The following WDFY2 variants were observed in gnomAD, a reference collection of about 807,000 sequenced individuals.
WDFY2 encodes WD repeat and FYVE domain containing 2, also known as WD repeat and FYVE domain-containing protein 2.
Under a neutral mutation model 56.4 loss-of-function variants are expected in WDFY2, and 36 were observed. The observed-to-expected ratio is 0.64, with a 90% CI of 0.49 to 0.84. The LOEUF (loss-of-function observed/expected upper bound fraction) is 0.84, where lower values mean the gene tolerates loss of function less well. Among genes scored for constraint, WDFY2 ranks in the 40% least tolerant of loss-of-function variants. The pLI is 0.00. For missense variants in WDFY2, 444 were observed against 512.2 expected (o/e 0.87, Z 1.29); for synonymous variants, 176 against 183.7 (o/e 0.96, Z 0.34).
intron 5 of WDFY2, among the ~76,000 whole-genome samples, chr13:51,725,536 G>A (rs1952584524): frequency 6.6e-6 from 1 of 151,938 alleles, no homozygotes; most frequent in East Asian, 1.9e-4. Flanking sequence ...AAAATGTTGT[G>A]TTTTAAAGGC....
At chr13:51,597,775 G>A (rs558961146) in intron 1 of WDFY2, among the ~76,000 whole-genome samples, 3 of 152,214 alleles carry the variant, frequency 2.0e-5, no homozygotes, top group Admixed American at 6.5e-5. Flanking sequence ...TTATTTGGTA[G>A]TTTGTTTCCC....
At position 51,763,316 on chromosome 13, in the gene WDFY2, G is replaced by A. The variant is rs1222313619; in HGVS notation, c.*3547G>A. 1.3e-5 allele frequency: 2 copies of A among 152,102 alleles called. No individual in the cohort carries two copies. The highest frequency in any genetic ancestry group is 4.8e-5 in the African/African-American group (2 of 41,414). The allele number at this position is 152,102 out of a possible 1,614,324, so 9.4% of individuals were successfully genotyped here. ...TTTTTTTGGCTCCGGCCCTGTGGTG[G>A]GGGAGGTAATTATTGCCTTCATCCA... On this transcript the variant is annotated 3_prime_UTR_variant, in exon 12 of 12. Transcript: ENST00000298125.
At chr13:51,702,028 C>T (rs903544926) in intron 3 of WDFY2, among the ~76,000 whole-genome samples, 1 of 152,032 alleles carries the variant, frequency 6.6e-6, no homozygotes, top group Non-Finnish European at 1.5e-5. Context: ...TTAGTCTGCT[C>T]TGGCCAGGTG....
intron 7 of WDFY2, 65 bp from the exon 8 acceptor site, chr13:51,751,245 G>T: frequency 1.3e-6 from 2 of 1,537,926 alleles, no homozygotes; most frequent in Non-Finnish European, 8.9e-7. Context: ...CTTTGCCAAG[G>T]TTTCTGCTGC....
At chr13:51,634,852 T>C (rs1955015762) in intron 1 of WDFY2, among the ~76,000 whole-genome samples, 1 of 152,180 alleles carries the variant, frequency 6.6e-6, no homozygotes, top group Non-Finnish European at 1.5e-5. Context: ...GATTTATCCA[T>C]AGGTCAGAGT....
intron 5 of WDFY2, among the ~76,000 whole-genome samples, chr13:51,726,917 T>A (rs1360089912): frequency 6.6e-6 from 1 of 152,210 alleles, no homozygotes; most frequent in African/African-American, 2.4e-5. Context: ...TTTTTTCCAG[T>A]TTATCTTTTG....
intron 1 of WDFY2, among the ~76,000 whole-genome samples, chr13:51,607,302 TG>T (rs1049215359): frequency 6.6e-6 from 1 of 152,200 alleles, no homozygotes; most frequent in African/African-American, 2.4e-5. Context: ...TAGACTTGCT[TG>T]GATGTGTTCA....
intron 7 of WDFY2, among the ~76,000 whole-genome samples, chr13:51,744,261 T>C (rs544626458): frequency 6.6e-6 from 1 of 152,348 alleles, no homozygotes; most frequent in East Asian, 1.9e-4. Context: ...ATCAAAGAAA[T>C]GAACAATGCT....
At chr13:51,746,436 A>C (rs1211835642) in intron 7 of WDFY2, among the ~76,000 whole-genome samples, 1 of 152,224 alleles carries the variant, frequency 6.6e-6, no homozygotes, top group East Asian at 1.9e-4. Flanking sequence ...ATCAGGTACC[A>C]GGCCAGTTTT....
intron 6 of WDFY2, among the ~76,000 whole-genome samples, chr13:51,733,531 CAG>C (rs919456330): frequency 6.6e-6 from 1 of 152,154 alleles, no homozygotes; most frequent in Non-Finnish European, 1.5e-5. Context: ...GAAGTTTAAA[CAG>C]AGTAGTGACA....
At chr13:51,630,618 CA>C (rs1387674421) in intron 1 of WDFY2, among the ~76,000 whole-genome samples, 1 of 151,986 alleles carries the variant, frequency 6.6e-6, no homozygotes, top group Non-Finnish European at 1.5e-5. Flanking sequence ...TTCTTTCACC[CA>C]GTTGATGAGG....
At position 51,606,492 on chromosome 13, in the gene WDFY2, A is replaced by T. The variant is rs532780587; in HGVS notation, c.137+21668A>T. The stretch of plus-strand genomic sequence containing the variant: ...AAATATTGTAAATGGGAGCTATTAT[A>T]ATAATCCAGAACTTGGATTTTAAAA... On this transcript the variant is annotated intron_variant, in intron 1 of 11. Transcript: ENST00000298125. 3.9e-5 allele frequency among the ~76,000 whole-genome samples: 6 copies of T among 152,324 alleles called. No individual in the cohort carries two copies. In the South Asian group the frequency reaches 1.2e-3, roughly 32 times the overall value.
At chr13:51,657,706 G>A (rs932868241) in intron 1 of WDFY2, among the ~76,000 whole-genome samples, 6 of 152,064 alleles carry the variant, frequency 3.9e-5, no homozygotes, top group African/African-American at 1.4e-4. Flanking sequence ...CAGGTTTGCT[G>A]TCTCTTCTGA....
intron 10 of WDFY2, among the ~76,000 whole-genome samples, chr13:51,757,378 G>A (rs1029379907): frequency 2.0e-5 from 3 of 151,952 alleles, no homozygotes; most frequent in Non-Finnish European, 4.4e-5. Context: ...TTACAGTTAA[G>A]CCTAAATCTT....
intron 1 of WDFY2, among the ~76,000 whole-genome samples, chr13:51,614,155 C>G (rs1305160091): frequency 7.2e-6 from 1 of 138,416 alleles, no homozygotes; most frequent in Non-Finnish European, 1.5e-5. Flanking sequence ...CACTGCACCC[C>G]AGCCTGGGCG....
chr13:51,711,932 A>G (rs1033433073), intron 4 of WDFY2, among the ~76,000 whole-genome samples: 57 of 152,334 alleles, frequency 3.7e-4, no homozygotes, highest in African/African-American at 1.3e-3. Context: ...CAGCCATTAC[A>G]TTACTGGTTA....
At chr13:51,684,267 G>A (rs1437620571) in intron 3 of WDFY2, among the ~76,000 whole-genome samples, 2 of 152,060 alleles carry the variant, frequency 1.3e-5, no homozygotes, top group African/African-American at 2.4e-5. Context: ...AAACATTAGG[G>A]CAGCTTCTTC....
intron 7 of WDFY2, among the ~76,000 whole-genome samples, chr13:51,748,704 T>C (rs1326798884): frequency 6.6e-6 from 1 of 152,132 alleles, no homozygotes; most frequent in African/African-American, 2.4e-5. Context: ...GAATGTCTGC[T>C]AGCTAGGCAG....
At position 51,766,117 on chromosome 13, in the gene WDFY2, T is replaced by C. The variant is rs1953740657; in HGVS notation, c.*6348T>C. 6.6e-6 allele frequency: 1 copy of C among 152,258 alleles called. No individual in the cohort carries two copies. Among genetic ancestry groups the C allele is most frequent in the African/African-American group, 2.4e-5 (1 of 41,476 alleles). 9.4% of individuals were successfully genotyped at this position (152,258 alleles called of 1,614,324 possible). A position where few individuals can be genotyped will look rare whatever the true frequency, so the allele number is the denominator to read the frequency against. On this transcript the variant is annotated 3_prime_UTR_variant, in exon 12 of 12. Coordinates refer to ENST00000298125, the MANE Select transcript of WDFY2 (RefSeq NM_052950.4). ...GTCAGTAGTATATGCCACTATGAAG[T>C]ATGGCCAAAACCCTAGCGTCACTTG...
Sources: allele counts gnomAD v4.1 joint callset (sites outside exome capture counted in the v4.1 genomes callset), GRCh38; gene constraint gnomAD v4.1.1; transcripts MANE v1.5; gene names NCBI Gene and HGNC (gene_info 2026-07-23, HGNC 2026-07-21).